The following CDH18 variants were observed in gnomAD, a reference collection of about 807,000 sequenced individuals.
CDH18 encodes cadherin 18.
CDH18 carries 31 observed loss-of-function variants against 67.9 expected under a neutral mutation model. The ratio of observed to expected loss-of-function variants is 0.46; its 90% CI spans 0.34 to 0.62. The LOEUF (loss-of-function observed/expected upper bound fraction) is 0.62. CDH18 is among the 20% of genes least tolerant of loss of function. CDH18 has a pLI of 0.01. For synonymous variants in CDH18, 362 were observed against 347.2 expected (o/e 1.04, Z -0.48); for missense variants, 890 against 975.5 (o/e 0.91, Z 1.17).
chr5:19,559,925 C>A (rs2387874), intron 8 of CDH18, among the ~76,000 whole-genome samples: 122,327 of 144,784 alleles, frequency 0.84, 51,577 homozygotes, highest in African/African-American at 0.86. Context: ...CAAAAACAAA[C>A]AAAAAAAAAA....
chr5:19,644,988 C>A (rs1285483880), intron 5 of CDH18, among the ~76,000 whole-genome samples: 2 of 152,160 alleles, frequency 1.3e-5, no homozygotes, highest in Non-Finnish European at 2.9e-5. Flanking sequence ...TGATTAAATT[C>A]CTTTTTCTCC....
At chr5:20,438,953 C>A (rs766078016) in intron 1 of CDH18, among the ~76,000 whole-genome samples, 1 of 151,290 alleles carries the variant, frequency 6.6e-6, no homozygotes, top group East Asian at 1.9e-4. Context: ...AAGTTCCATG[C>A]CTTTTTAAAA....
chr5:20,548,924 A>G (rs1365322496), intron 1 of CDH18, among the ~76,000 whole-genome samples: 1 of 152,182 alleles, frequency 6.6e-6, no homozygotes, highest in African/African-American at 2.4e-5. Context: ...TTCGATTCAC[A>G]GTGGTGTAGG....
At chr5:20,529,274 A>G (rs890406702) in intron 1 of CDH18, among the ~76,000 whole-genome samples, 6 of 151,952 alleles carry the variant, frequency 3.9e-5, no homozygotes, top group Admixed American at 2.6e-4. Context: ...TGGGGAAAAA[A>G]AAAAAGCCCA....
At chr5:20,520,138 AG>A (rs1755655016) in intron 1 of CDH18, among the ~76,000 whole-genome samples, 1 of 151,536 alleles carries the variant, frequency 6.6e-6, no homozygotes, top group Non-Finnish European at 1.5e-5. Context: ...ACAGGGCATT[AG>A]GGTGTCTAAG....
chr5:19,613,348 A>G (rs896411818), intron 5 of CDH18, among the ~76,000 whole-genome samples: 1 of 152,148 alleles, frequency 6.6e-6, no homozygotes, highest in Non-Finnish European at 1.5e-5. Flanking sequence ...ATGTTTAATG[A>G]TGGAAAACAT....
chr5:19,974,605 T>C (rs1275947262), intron 2 of CDH18, among the ~76,000 whole-genome samples: 2 of 150,796 alleles, frequency 1.3e-5, no homozygotes, highest in Non-Finnish European at 2.9e-5. Flanking sequence ...TTTAATGATG[T>C]AACCAATTAA....
At chr5:19,762,972 G>A (rs571518252) in intron 3 of CDH18, among the ~76,000 whole-genome samples, 21 of 152,192 alleles carry the variant, frequency 1.4e-4, no homozygotes, top group South Asian at 1.2e-3. Flanking sequence ...GCTGGAAACC[G>A]TCATTCTCAG....
chr5:19,769,802 C>T (rs999188782), intron 3 of CDH18, among the ~76,000 whole-genome samples: 4 of 150,590 alleles, frequency 2.7e-5, no homozygotes, highest in South Asian at 4.2e-4. Context: ...AGTGAAAGTA[C>T]GACTCACAGA....
rs538988276 is a variant in CDH18, at chr5:20,426,953, C to A, written c.-580+148509G>T. ...CTCCATCTAAAAATGGAGATTATCA[C>A]AAATTTCATCTCATTGAACTGGTGG... On this transcript the variant is annotated intron_variant, in intron 1 of 14. Coordinates refer to the CDH18 transcript ENST00000507958. Among the ~76,000 whole-genome samples the A allele has an allele frequency of 4.8e-4, 73 of 150,960 alleles. 5 individuals are homozygous for A. Among genetic ancestry groups the A allele is most frequent in the African/African-American group, 1.6e-3 (64 of 40,390 alleles).
At chr5:19,961,314 G>C (rs1796882058) in intron 2 of CDH18, among the ~76,000 whole-genome samples, 1 of 151,614 alleles carries the variant, frequency 6.6e-6, no homozygotes, top group South Asian at 2.1e-4. Flanking sequence ...TCACTATGTT[G>C]GCCAGACTGG....
At chr5:19,803,360 T>C (rs1777664951) in intron 3 of CDH18, among the ~76,000 whole-genome samples, 3 of 152,230 alleles carry the variant, frequency 2.0e-5, no homozygotes, top group Admixed American at 1.3e-4. Context: ...CTAATTAGTC[T>C]AAACAAGTAC....
intron 6 of CDH18, among the ~76,000 whole-genome samples, chr5:19,601,519 C>A (rs575440678): frequency 9.9e-5 from 15 of 151,996 alleles, no homozygotes; most frequent in Non-Finnish European, 1.9e-4. Context: ...TTTAATTCTA[C>A]TAACCATTTA....
chr5:19,713,692 T>C (rs577019210), intron 5 of CDH18, among the ~76,000 whole-genome samples: 1 of 152,286 alleles, frequency 6.6e-6, no homozygotes, highest in South Asian at 2.1e-4. Flanking sequence ...ATCTAATAAA[T>C]ATGCATTCTC....
At chr5:20,355,499 C>A (rs1162471469) in intron 1 of CDH18, among the ~76,000 whole-genome samples, 2 of 152,152 alleles carry the variant, frequency 1.3e-5, no homozygotes, top group Non-Finnish European at 1.5e-5. Flanking sequence ...AAAAATCTTA[C>A]ATTTCTTTGA....
chr5:19,538,284 C>T (rs1259328212), intron 9 of CDH18, among the ~76,000 whole-genome samples: 1 of 152,084 alleles, frequency 6.6e-6, no homozygotes, highest in Non-Finnish European at 1.5e-5. Flanking sequence ...TTCTGACCTA[C>T]AGAAATCATA....
Position 19,909,293 on chromosome 5 carries a change from T to C in CDH18, c.-256-70051A>G, listed in dbSNP as rs901446019. Among the ~76,000 whole-genome samples, 3 of 135,930 alleles carry C rather than the reference T, an allele frequency of 2.2e-5. No homozygotes were observed. In the Admixed American group the frequency reaches 2.5e-4, roughly 11 times the overall value. The allele number at this position is 135,930 out of a possible 152,430, so 89.2% of individuals were successfully genotyped here. Reference sequence around the variant, plus strand: ...AGAAAAGAACGCAAGTAAAGTGGTTTCCTTCACTTTTTTTTTTTTTTTTTT... The same window carrying C: ...AGAAAAGAACGCAAGTAAAGTGGTTCCCTTCACTTTTTTTTTTTTTTTTTT... On this transcript the variant is annotated intron_variant, in intron 2 of 12. Transcript: ENST00000382275.
intron 2 of CDH18, among the ~76,000 whole-genome samples, chr5:20,126,381 AG>A (rs1362745429): frequency 1.4e-4 from 21 of 152,172 alleles, no homozygotes; most frequent in Admixed American, 1.2e-3. Context: ...ATAAAGAAAA[AG>A]GCTTCATGAA....
intron 1 of CDH18, among the ~76,000 whole-genome samples, chr5:20,471,788 C>A (rs558943033): frequency 2.3e-5 from 3 of 129,916 alleles, no homozygotes; most frequent in Non-Finnish European, 4.7e-5. Context: ...CCAGCCTGGG[C>A]GACAGATCAG....
Sources: allele counts gnomAD v4.1 joint callset (sites outside exome capture counted in the v4.1 genomes callset), GRCh38; gene constraint gnomAD v4.1.1; transcripts MANE v1.5; gene names NCBI Gene and HGNC (gene_info 2026-07-23, HGNC 2026-07-21).